Variants in EAF1 observed in about 807,000 individuals in gnomAD.
The protein encoded by EAF1 is ELL associated factor 1, also known as ELL-associated factor 1.
In EAF1, 19 loss-of-function variants were observed where a neutral mutation model predicts 26.6. The observed-to-expected ratio is 0.71, with a 90% CI of 0.50 to 1.05. The LOEUF (loss-of-function observed/expected upper bound fraction) is 1.05. EAF1 is among the 50% of genes least tolerant of loss of function. The pLI, the probability that EAF1 is intolerant of heterozygous loss-of-function variation, is 0.00. For missense variants in EAF1, 260 were observed against 335.5 expected (o/e 0.78, Z 1.76); for synonymous variants, 102 against 120.6 (o/e 0.85, Z 1.01).
In EAF1 at chr3:15,440,998, TCTC is replaced by T. The variant is rs2061866024; in HGVS notation, c.*1848_*1850del. The T allele has an allele frequency of 6.6e-6, 1 of 152,588 alleles. No homozygotes were observed. Among genetic ancestry groups the T allele is most frequent in the South Asian group, 2.1e-4 (1 of 4,826 alleles). The allele number at this position is 152,588 out of a possible 1,614,324, so 9.5% of individuals were successfully genotyped here. A position where few individuals can be genotyped will look rare whatever the true frequency, so the allele number is the denominator to read the frequency against. On this transcript the variant is annotated 3_prime_UTR_variant, in exon 6 of 6. Transcript: ENST00000396842. ...ATCTATTTAAGCCTCTCTCTCTTTC[TCTC>T]CTCCCCAACTTTTTTCTGAAAGCCT...
chr3:15,429,351 A>C (rs2125063491), intron 1 of EAF1, among the ~76,000 whole-genome samples: 1 of 152,158 alleles, frequency 6.6e-6, no homozygotes, highest in South Asian at 2.1e-4. Flanking sequence ...AAAAAAAAAA[A>C]ACAAAAAACA....
At chr3:15,427,930 A>T (rs532047272) in intron 1 of EAF1, 48 bp downstream of exon 1, 1 of 1,430,212 alleles carries the variant, frequency 7.0e-7, no homozygotes, top group Admixed American at 2.2e-5. Flanking sequence ...CAGCCGCCAC[A>T]TATCAACCTT....
chr3:15,431,998 A>G (rs2061804767), intron 2 of EAF1, 89 bp from the exon 3 acceptor site: 1 of 1,398,768 alleles, frequency 7.1e-7, no homozygotes, highest in Admixed American at 2.2e-5. Context: ...CTGATAAAAG[A>G]TTTCATCAGG....
intron 5 of EAF1, 108 bp from the exon 6 acceptor site, chr3:15,439,001 T>C (rs1178537338): frequency 1.1e-5 from 11 of 1,001,702 alleles, no homozygotes; most frequent in Admixed American, 9.7e-5. Context: ...AAGGTTTTAC[T>C]GTAGTGTGAT....
At chr3:15,437,620 A>G (rs951502851) in intron 5 of EAF1, among the ~76,000 whole-genome samples, 12 of 152,316 alleles carry the variant, frequency 7.9e-5, no homozygotes, top group African/African-American at 2.6e-4. Flanking sequence ...CTAAAGTAAA[A>G]CAGGAAAACA....
chr3:15,427,834 G>T lies in EAF1; in HGVS notation c.55G>T (p.Gly19Trp). The change falls in exon 1 of 6, where the codon GGG becomes TGG. Residue 19 changes from glycine to tryptophan, a missense_variant. Physicochemically the swap from Gly to Trp is radical, Grantham distance 184. Coordinates refer to ENST00000396842, the MANE Select transcript of EAF1 (RefSeq NM_033083.7). ...LDREEHCLRL[G>W]ESFEKRPRAS... is the part of the protein sequence containing the mutation. ...CCGCGAGGAACATTGCCTGAGGCTC[G>T]GGGAGAGCTTCGAGAAGCGGCCGCG... 1 of 1,551,170 alleles carries T rather than the reference G, an allele frequency of 6.4e-7. No individual in the cohort carries two copies. The highest frequency in any genetic ancestry group is 1.2e-5 in the South Asian group (1 of 84,042).
intron 5 of EAF1, among the ~76,000 whole-genome samples, chr3:15,436,940 G>C (rs1046388464): frequency 2.6e-5 from 4 of 152,278 alleles, no homozygotes; most frequent in South Asian, 4.2e-4. Flanking sequence ...CTGTCGCCCA[G>C]GCTGGAGTGC....
chr3:15,439,695 A>G lies in EAF1; in HGVS notation c.*540A>G, dbSNP rs912744841. 1 of 152,438 alleles carries G rather than the reference A, an allele frequency of 6.6e-6. No homozygotes were observed. The highest frequency in any genetic ancestry group is 2.4e-5 in the African/African-American group (1 of 41,462). The allele number at this position is 152,438 out of a possible 1,614,324, so 9.4% of individuals were successfully genotyped here. On this transcript the variant is annotated 3_prime_UTR_variant, in exon 6 of 6. Transcript: ENST00000396842. Reference sequence around the variant, plus strand: ...AGCCTGGATAGAAATGGACCTCAGAATACAGAATGGAGTCCTTGAGTGTCA... The same window carrying G: ...AGCCTGGATAGAAATGGACCTCAGAGTACAGAATGGAGTCCTTGAGTGTCA...
At chr3:15,436,978 C>T (rs1037546705) in intron 5 of EAF1, among the ~76,000 whole-genome samples, 6 of 152,094 alleles carry the variant, frequency 3.9e-5, no homozygotes, top group African/African-American at 1.4e-4. Flanking sequence ...TTACTGCAAC[C>T]TCCACCTCTC....
At chr3:15,439,015 C>G (rs572972027) in intron 5 of EAF1, 94 bp from the exon 6 acceptor site, 1 of 1,233,094 alleles carries the variant, frequency 8.1e-7, no homozygotes, top group African/African-American at 1.5e-5. Context: ...GTGTGATAGC[C>G]AAGGCAATTA....
chr3:15,437,339 G>T (rs939541253), intron 5 of EAF1, among the ~76,000 whole-genome samples: 1 of 143,448 alleles, frequency 7.0e-6, no homozygotes, highest in Non-Finnish European at 1.5e-5. Context: ...TTTTGGTAGA[G>T]ACAGGGTTTC....
rs554297741 is a variant in EAF1, at chr3:15,427,661, C to A, written c.-119C>A. ...GACCCGGGTGGGTGCCGGCTCGGCT[C>A]TCCTTGTCTTCCAGAGCGGTGGCCC... On this transcript the variant is annotated 5_prime_UTR_variant, in exon 1 of 6. Transcript: ENST00000396842. The A allele has an allele frequency of 4.4e-5, 48 of 1,095,908 alleles. No homozygotes were observed. The South Asian group carries it at 6.7e-4, about 15-fold the overall frequency. The allele number at this position is 1,095,908 out of a possible 1,614,324, so 67.9% of individuals were successfully genotyped here.
At chr3:15,432,344 C>A in intron 3 of EAF1, 121 bp downstream of exon 3, 2 of 1,234,186 alleles carry the variant, frequency 1.6e-6, no homozygotes, top group Non-Finnish European at 1.1e-6. Context: ...CTTAACACTA[C>A]CTGTGCTCAG....
At chr3:15,437,105 A>AG (rs2061840357) in intron 5 of EAF1, among the ~76,000 whole-genome samples, 1 of 152,188 alleles carries the variant, frequency 6.6e-6, no homozygotes, top group Admixed American at 6.5e-5. Context: ...CATGTTGGCC[A>AG]GGCTGGTCTC....
rs28667372 is a variant in EAF1, at chr3:15,442,420, C to G, written c.*3265C>G. On this transcript the variant is annotated 3_prime_UTR_variant, in exon 6 of 6. Coordinates refer to ENST00000396842, the MANE Select transcript of EAF1 (RefSeq NM_033083.7). ...AGTTAGGAAATGTGAGTTTTTGTTACTTCTGTTATTCCAGTCTTGGTTTCA... is the reference window on the plus strand; with the variant it reads ...AGTTAGGAAATGTGAGTTTTTGTTAGTTCTGTTATTCCAGTCTTGGTTTCA... 7,099 of 152,626 alleles carry G rather than the reference C, an allele frequency of 0.047. 428 individuals are homozygous for G. Among genetic ancestry groups the G allele is most frequent in the African/African-American group, 0.14 (5,825 of 41,498 alleles). The allele number at this position is 152,626 out of a possible 1,614,324, so 9.5% of individuals were successfully genotyped here.
At position 15,432,143 on chromosome 3, in the gene EAF1, C is replaced by G. The variant is rs765397541; in HGVS notation, c.255C>G (p.Asp85Glu). 1 of 1,614,072 alleles carries G rather than the reference C, an allele frequency of 6.2e-7. No individual in the cohort carries two copies. The highest frequency in any genetic ancestry group is 1.3e-5 in the African/African-American group (1 of 74,942). ...FKGNKRPYQK[D>E]CVLIINHDTG... ...GGAACAAACGGCCTTACCAGAAAGA[C>G]TGTGTGCTTATTATTAATCATGACA... The change falls in exon 3 of 6, where the codon GAC becomes GAG. Residue 85 changes from aspartate (D) to glutamate (E), a missense_variant. Coordinates refer to ENST00000396842, the MANE Select transcript of EAF1 (RefSeq NM_033083.7).
chr3:15,437,731 C>G (rs2061843939), intron 5 of EAF1, among the ~76,000 whole-genome samples: 1 of 152,134 alleles, frequency 6.6e-6, no homozygotes, highest in South Asian at 2.1e-4. Flanking sequence ...GTACACCTTC[C>G]TTTAAGGAAG....
chr3:15,432,159 A>G lies in EAF1; in HGVS notation c.271A>G (p.Asn91Asp). Residue 91 changes from asparagine (N) to aspartate (D), a missense_variant, in exon 3 of 6, where the codon AAT becomes GAT. Physicochemically the swap from Asn to Asp is conservative, Grantham distance 23 (BLOSUM62 1). Coordinates refer to ENST00000396842, the MANE Select transcript of EAF1 (RefSeq NM_033083.7). ...PYQKDCVLII[N>D]HDTGEYVLEK... ...CCAGAAAGACTGTGTGCTTATTATT[A>G]ATCATGACACTGGTGAATATGTGCT... The G allele has an allele frequency of 6.2e-7, 1 of 1,614,176 alleles. No homozygotes were observed.
At chr3:15,437,204 C>T (rs969442281) in intron 5 of EAF1, among the ~76,000 whole-genome samples, 9 of 144,734 alleles carry the variant, frequency 6.2e-5, no homozygotes, top group African/African-American at 1.8e-4. Context: ...CTATCTTGAA[C>T]TTTTATAAAA....
Sources: gnomAD v4.1 joint callset for allele counts (sites outside exome capture counted in the v4.1 genomes callset) on GRCh38, gnomAD v4.1.1 for gene constraint, MANE v1.5 for transcripts, NCBI Gene and HGNC (gene_info 2026-07-23, HGNC 2026-07-21) for gene names.